Variants in SORCS3 observed in about 807,000 individuals in gnomAD.
SORCS3 encodes the protein sortilin related VPS10 domain containing receptor 3.
In SORCS3, 57 loss-of-function variants were observed where a neutral mutation model predicts 146.3. The observed-to-expected ratio is 0.39, with a 90% CI of 0.31 to 0.49. SORCS3 has a LOEUF of 0.49. Among genes scored for constraint, SORCS3 ranks in the 20% least tolerant of loss-of-function variants. SORCS3 has a pLI of 0.92. For missense variants in SORCS3, 1,341 were observed against 1,575.5 expected (o/e 0.85, Z 2.52); for synonymous variants, 653 against 618.5 (o/e 1.06, Z -0.83).
At chr10:105,003,509 T>G (rs2055073782) in intron 4 of SORCS3, among the ~76,000 whole-genome samples, 1 of 152,178 alleles carries the variant, frequency 6.6e-6, no homozygotes, top group Non-Finnish European at 1.5e-5. Context: ...ATTCCATGAT[T>G]AAATGGAGCC....
At chr10:105,208,361 A>G (rs79748493) in intron 16 of SORCS3, among the ~76,000 whole-genome samples, 1 of 151,430 alleles carries the variant, frequency 6.6e-6, no homozygotes, top group African/African-American at 2.4e-5. Context: ...AAAAAAAAAA[A>G]AAGAGAAATA....
intron 1 of SORCS3, among the ~76,000 whole-genome samples, chr10:104,771,406 C>G (rs2017248554): frequency 6.6e-6 from 1 of 152,164 alleles, no homozygotes; most frequent in Admixed American, 6.5e-5. Context: ...CTCATGGAAT[C>G]TCTGCTTGGC....
chr10:105,164,442 TC>T, intron 12 of SORCS3, 63 bp downstream of exon 12: 1 of 1,103,514 alleles, frequency 9.1e-7, no homozygotes, highest in South Asian at 1.3e-5. Context: ...AATCTCTCTC[TC>T]CATCCTATAG....
intron 16 of SORCS3, among the ~76,000 whole-genome samples, chr10:105,209,244 C>T (rs774849513): frequency 1.3e-5 from 2 of 151,922 alleles, no homozygotes; most frequent in South Asian, 2.1e-4. Flanking sequence ...TGGGTTCAAG[C>T]GATTCTCCTT....
chr10:104,939,339 T>C (rs899018355), intron 3 of SORCS3, among the ~76,000 whole-genome samples: 1 of 152,166 alleles, frequency 6.6e-6, no homozygotes, highest in African/African-American at 2.4e-5. Flanking sequence ...AACCATGCAT[T>C]ATCTGTCCCT....
chr10:104,720,648 A>G (rs2016536380), intron 1 of SORCS3, among the ~76,000 whole-genome samples: 2 of 152,130 alleles, frequency 1.3e-5, no homozygotes, highest in South Asian at 4.1e-4. Flanking sequence ...TTGTTTCCTG[A>G]CTTTTTAATG....
intron 1 of SORCS3, among the ~76,000 whole-genome samples, chr10:104,751,966 T>TATATAA (rs1385185892): frequency 1.5e-4 from 16 of 109,590 alleles, no homozygotes; most frequent in African/African-American, 6.2e-4. Context: ...TATATATATA[T>TATATAA]ATAATAGTTT....
chr10:105,114,474 G>A (rs2055880442), intron 7 of SORCS3, among the ~76,000 whole-genome samples: 1 of 152,108 alleles, frequency 6.6e-6, no homozygotes, highest in Admixed American at 6.6e-5. Flanking sequence ...AAGTGAGCCT[G>A]TAGTACCCTG....
intron 3 of SORCS3, among the ~76,000 whole-genome samples, chr10:104,925,163 A>T (rs1196510784): frequency 4.6e-5 from 7 of 151,858 alleles, no homozygotes; most frequent in African/African-American, 1.7e-4. Flanking sequence ...GCGATGTTTG[A>T]TTTTCTGTTC....
At position 105,056,142 on chromosome 10, in the gene SORCS3, ATCCT is replaced by A. The variant is rs1460282471; in HGVS notation, c.1028+13017_1028+13020del. Among the ~76,000 whole-genome samples the A allele has an allele frequency of 3.9e-5, 6 of 152,322 alleles. No homozygotes were observed. The East Asian group carries it at 1.2e-3, about 29-fold the overall frequency. ...ATTGGCAAGTAAGAAAGTGAAACAGATCCTTCTGGAAGGAAGAACAATTGGATCA... is the reference window on the plus strand; with the variant it reads ...ATTGGCAAGTAAGAAAGTGAAACAGATCTGGAAGGAAGAACAATTGGATCA... On this transcript the variant is annotated intron_variant, in intron 5 of 26. Coordinates refer to ENST00000369701, the MANE Select transcript of SORCS3 (RefSeq NM_014978.3).
intron 1 of SORCS3, among the ~76,000 whole-genome samples, chr10:104,710,379 T>C (rs567546218): frequency 6.6e-6 from 1 of 152,332 alleles, no homozygotes; most frequent in South Asian, 2.1e-4. Context: ...TTCTTAGGTG[T>C]CTACTATGTA....
At position 104,817,008 on chromosome 10, in the gene SORCS3, C is replaced by T. The variant is rs775614143; in HGVS notation, c.628-25784C>T. On this transcript the variant is annotated intron_variant, in intron 1 of 26. Coordinates refer to ENST00000369701, the MANE Select transcript of SORCS3 (RefSeq NM_014978.3). ...CAGAGCCTGTATCCACCTTCGTGGA[C>T]CCAGCTTCCTGGCTTCTGGGGCACC... Among the ~76,000 whole-genome samples, 5 of 152,192 alleles carry T rather than the reference C, an allele frequency of 3.3e-5. No individual in the cohort carries two copies. The South Asian group carries it at 6.2e-4, about 19-fold the overall frequency.
intron 7 of SORCS3, among the ~76,000 whole-genome samples, chr10:105,112,025 C>G (rs1204758590): frequency 6.6e-6 from 1 of 152,140 alleles, no homozygotes; most frequent in Non-Finnish European, 1.5e-5. Context: ...TTTCTGTTTT[C>G]TTTAATTAAA....
intron 1 of SORCS3, among the ~76,000 whole-genome samples, chr10:104,816,232 C>G (rs1025960173): frequency 2.6e-5 from 4 of 152,152 alleles, no homozygotes; most frequent in African/African-American, 9.7e-5. Flanking sequence ...TTATAATATC[C>G]TTAAATTTCA....
chr10:105,189,116 T>C (rs1208009509), intron 14 of SORCS3, among the ~76,000 whole-genome samples: 4 of 152,194 alleles, frequency 2.6e-5, no homozygotes, highest in African/African-American at 9.6e-5. Flanking sequence ...ATGTGAGAAT[T>C]TCTCTTCTTC....
chr10:104,968,913 C>T (rs2054842343), intron 3 of SORCS3, among the ~76,000 whole-genome samples: 1 of 152,186 alleles, frequency 6.6e-6, no homozygotes, highest in Non-Finnish European at 1.5e-5. Flanking sequence ...TGTGTACTTT[C>T]CGATTTGACA....
chr10:105,262,418 C>T lies in SORCS3; in HGVS notation c.3531C>T (p.Ala1177=). ...MIGSVSQSEN[A]PKITLSDFTE... The stretch of plus-strand genomic sequence containing the variant: ...GGTCAGTGAGCCAAAGTGAAAACGC[C>T]CCCAAAATCACACTCAGTGACTTTA... Residue 1177 remains alanine, a synonymous_variant, in exon 26 of 27, where the codon GCC becomes GCT. Coordinates refer to ENST00000369701, the MANE Select transcript of SORCS3 (RefSeq NM_014978.3). 1.2e-6 allele frequency: 2 copies of T among 1,613,984 alleles called. No homozygotes were observed. The highest frequency in any genetic ancestry group is 1.7e-6 in the Non-Finnish European group (2 of 1,179,960).
In SORCS3 at chr10:104,858,621, G is replaced by T. The variant is rs1261293326; in HGVS notation, c.695+15762G>T. 3.4e-5 allele frequency among the ~76,000 whole-genome samples: 5 copies of T among 146,288 alleles called. No homozygotes were observed. The East Asian group carries it at 7.8e-4, about 23-fold the overall frequency. ...CATTGTCAGATTTGTTAAGAGAAGT[G>T]TACTTTTTTTTTTTTTTTGAGACGG... On this transcript the variant is annotated intron_variant, in intron 2 of 26. Transcript: ENST00000369701.
At chr10:104,883,975 T>G (rs1486247958) in intron 2 of SORCS3, among the ~76,000 whole-genome samples, 4 of 145,644 alleles carry the variant, frequency 2.7e-5, no homozygotes, top group Non-Finnish European at 3.0e-5. Flanking sequence ...TGCTGTGGAA[T>G]GAGGGGGGGG....
Sources: allele counts gnomAD v4.1 joint callset (sites outside exome capture counted in the v4.1 genomes callset), GRCh38; gene constraint gnomAD v4.1.1; transcripts MANE v1.5; gene names NCBI Gene and HGNC (gene_info 2026-07-23, HGNC 2026-07-21).